The following STPG2 variants were observed in gnomAD, a reference collection of about 807,000 sequenced individuals.
The protein encoded by STPG2 is sperm tail PG-rich repeat containing 2, also known as sperm-tail PG-rich repeat-containing protein 2.
STPG2 carries 56 observed loss-of-function variants against 54.2 expected under a neutral mutation model. That is an observed-to-expected ratio of 1.03 (90% CI 0.83 to 1.29). The LOEUF is 1.29. STPG2 is among the 50% of genes most tolerant of loss of function. STPG2 has a pLI of 0.00. For synonymous variants in STPG2, 200 were observed against 181.8 expected (o/e 1.10, Z -0.81); for missense variants, 596 against 544.9 (o/e 1.09, Z -0.93).
chr4:97,903,746 T>C (rs1731272701), intron 8 of STPG2, among the ~76,000 whole-genome samples: 1 of 152,168 alleles, frequency 6.6e-6, no homozygotes. Flanking sequence ...GTGCGCAAAC[T>C]GTGCAGGAGC....
At chr4:98,088,473 T>C (rs1455365564) in intron 5 of STPG2, among the ~76,000 whole-genome samples, 1 of 152,056 alleles carries the variant, frequency 6.6e-6, no homozygotes. Context: ...AAAACCCTAA[T>C]GAAACTAGTG....
rs567072377 is a variant in STPG2, at chr4:97,801,363, A to G, written c.1204+39410T>C. ...ACTTTTTTATCATCCACCCAGCTTA[A>G]GAAAATCTATCTCCTTCCCTTCCTA... On this transcript the variant is annotated intron_variant, in intron 9 of 10. Coordinates refer to ENST00000295268, the MANE Select transcript of STPG2 (RefSeq NM_174952.3). Among the ~76,000 whole-genome samples the G allele has an allele frequency of 2.0e-5, 3 of 152,298 alleles. No individual in the cohort carries two copies. In the South Asian group the frequency reaches 6.2e-4, roughly 32 times the overall value.
intron 10 of STPG2, chr4:97,633,527 T>A (rs1191821263): frequency 2.6e-5 from 4 of 152,434 alleles, no homozygotes; most frequent in African/African-American, 7.2e-5. Flanking sequence ...AGTCTACAGC[T>A]CCCAGCCTGA....
At chr4:97,449,919 A>G (rs185999136) in intron 4 of STPG2, among the ~76,000 whole-genome samples, 15 of 152,312 alleles carry the variant, frequency 9.8e-5, no homozygotes, top group African/African-American at 3.6e-4. Flanking sequence ...AAACAGAAAC[A>G]CAATTCCAAT....
chr4:97,533,180 C>G (rs1322000930), intron 4 of STPG2, among the ~76,000 whole-genome samples: 3 of 152,006 alleles, frequency 2.0e-5, no homozygotes, highest in Non-Finnish European at 4.4e-5. Context: ...TGCCCCCGGC[C>G]TACTTAGCAT....
chr4:97,451,374 G>C (rs1729359923), intron 4 of STPG2, among the ~76,000 whole-genome samples: 1 of 152,034 alleles, frequency 6.6e-6, no homozygotes, highest in Non-Finnish European at 1.5e-5. Flanking sequence ...GCAGAATATT[G>C]AGAAAGGAAG....
intron 5 of STPG2, among the ~76,000 whole-genome samples, chr4:98,050,193 T>C (rs1737273666): frequency 6.6e-6 from 1 of 152,146 alleles, no homozygotes; most frequent in Non-Finnish European, 1.5e-5. Flanking sequence ...CTGAGGATAT[T>C]AAACTATTTT....
intron 10 of STPG2, among the ~76,000 whole-genome samples, chr4:97,712,460 A>G (rs1212623714): frequency 6.6e-6 from 1 of 152,136 alleles, no homozygotes; most frequent in East Asian, 1.9e-4. Flanking sequence ...TAAATTATAT[A>G]TATGAATACT....
At chr4:97,955,450 C>T (rs371249476) in intron 7 of STPG2, among the ~76,000 whole-genome samples, 2 of 151,952 alleles carry the variant, frequency 1.3e-5, no homozygotes, top group South Asian at 4.2e-4. Flanking sequence ...CTCCTGACCT[C>T]GTGATCCACC....
chr4:97,593,303 C>T (rs1733193093), intron 10 of STPG2, among the ~76,000 whole-genome samples: 1 of 152,168 alleles, frequency 6.6e-6, no homozygotes, highest in Admixed American at 6.5e-5. Context: ...TGTCCACAGC[C>T]ACCCCTTCCA....
At chr4:97,599,584 G>A (rs980548890) in intron 10 of STPG2, among the ~76,000 whole-genome samples, 1 of 152,126 alleles carries the variant, frequency 6.6e-6, no homozygotes, top group African/African-American at 2.4e-5. Flanking sequence ...AGCACTTTGG[G>A]AGGCCGAGGC....
intron 4 of STPG2, among the ~76,000 whole-genome samples, chr4:97,454,010 G>C (rs963317842): frequency 6.6e-5 from 10 of 151,914 alleles, no homozygotes; most frequent in Non-Finnish European, 1.5e-4. Context: ...TTCCCCAAAG[G>C]CTCCTAGATC....
intron 8 of STPG2, among the ~76,000 whole-genome samples, chr4:97,942,758 C>A (rs1733038758): frequency 6.6e-6 from 1 of 152,090 alleles, no homozygotes. Context: ...CAACTGTTGG[C>A]ATTATCTCAC....
intron 4 of STPG2, among the ~76,000 whole-genome samples, chr4:97,502,961 T>C (rs1730758767): frequency 1.3e-5 from 2 of 152,172 alleles, no homozygotes; most frequent in South Asian, 2.1e-4. Context: ...CATTAATACA[T>C]TGAGGATATA....
intron 4 of STPG2, chr4:97,489,933 TA>T (rs1730462734): frequency 6.6e-6 from 1 of 151,290 alleles, no homozygotes; most frequent in African/African-American, 2.4e-5. Flanking sequence ...AGAGAACATT[TA>T]TTTTTTCTGG....
intron 5 of STPG2, among the ~76,000 whole-genome samples, chr4:97,990,617 C>A (rs1353262023): frequency 6.6e-6 from 1 of 152,110 alleles, no homozygotes; most frequent in Non-Finnish European, 1.5e-5. Flanking sequence ...AGTAAAGAAC[C>A]ACAGACTGGC....
intron 10 of STPG2, among the ~76,000 whole-genome samples, chr4:97,564,703 G>T (rs1195928125): frequency 6.6e-6 from 1 of 152,074 alleles, no homozygotes; most frequent in Non-Finnish European, 1.5e-5. Flanking sequence ...AGCTTAGTTT[G>T]GCTTGATATG....
intron 10 of STPG2, among the ~76,000 whole-genome samples, chr4:97,611,615 G>A (rs1186312318): frequency 6.6e-6 from 1 of 151,820 alleles, no homozygotes; most frequent in Non-Finnish European, 1.5e-5. Flanking sequence ...AGAATTTGCA[G>A]AAAATAAGGT....
chr4:97,568,438 T>C (rs1732511145), intron 10 of STPG2, among the ~76,000 whole-genome samples: 1 of 152,120 alleles, frequency 6.6e-6, no homozygotes, highest in Non-Finnish European at 1.5e-5. Context: ...AAGAGCCCTG[T>C]AGTGGGTGAT....
Sources: gnomAD v4.1 joint callset for allele counts (sites outside exome capture counted in the v4.1 genomes callset) on GRCh38, gnomAD v4.1.1 for gene constraint, MANE v1.5 for transcripts, NCBI Gene and HGNC (gene_info 2026-07-23, HGNC 2026-07-21) for gene names.